GRAP2: variants seen among roughly 807,000 people sequenced by gnomAD.
GRAP2 encodes the protein GRB2-related adapter protein 2.
A neutral mutation model predicts 43.5 loss-of-function variants in GRAP2; 31 were observed. That is an observed-to-expected ratio of 0.71 (90% CI 0.54 to 0.96). GRAP2 has a LOEUF of 0.96. Among genes scored for constraint, GRAP2 ranks in the 40% least tolerant of loss-of-function variants. The pLI is 0.00. For missense variants in GRAP2, 371 were observed against 424.4 expected, an observed-to-expected ratio of 0.87 and a Z score of 1.11; for synonymous variants, 156 against 164.8, an observed-to-expected ratio of 0.95 and a Z score of 0.41.
chr22:39,937,879 T>C (rs1339517377), intron 1 of GRAP2, among the ~76,000 whole-genome samples: 2 of 152,048 alleles, frequency 1.3e-5, no homozygotes, highest in African/African-American at 4.8e-5. Context: ...GAATCAAATG[T>C]GCTTGAGTTT....
chr22:39,951,583 C>A (rs1235652584), intron 2 of GRAP2, among the ~76,000 whole-genome samples: 1 of 152,170 alleles, frequency 6.6e-6, no homozygotes, highest in Non-Finnish European at 1.5e-5. Context: ...AAAAAATCAT[C>A]TCTTAGGGAA....
At chr22:39,941,931 T>C (rs1407746098) in intron 1 of GRAP2, among the ~76,000 whole-genome samples, 1 of 152,066 alleles carries the variant, frequency 6.6e-6, no homozygotes, top group African/African-American at 2.4e-5. Context: ...CAAATGTTTA[T>C]TTGGCCCACA....
intron 4 of GRAP2, chr22:39,964,117 C>T (rs1474219190): frequency 1.3e-5 from 5 of 388,744 alleles, no homozygotes; most frequent in Non-Finnish European, 2.3e-5. Flanking sequence ...TCACTAGTGC[C>T]AGTTTATTTT....
At position 39,955,260 on chromosome 22, in the gene GRAP2, A is replaced by C. The variant is rs951248149; in HGVS notation, c.79-559A>C. ...GTAATCCCAGCTACTCAGGAGGCTG[A>C]GGCAGGGGGATCGCTTGAACCCAGG... On this transcript the variant is annotated intron_variant, in intron 2 of 7. Coordinates refer to ENST00000344138, the MANE Select transcript of GRAP2 (RefSeq NM_004810.4). Among the ~76,000 whole-genome samples the C allele has an allele frequency of 3.3e-5, 5 of 152,272 alleles. No individual in the cohort carries two copies. The East Asian group carries it at 9.7e-4, about 29-fold the overall frequency.
intron 4 of GRAP2, among the ~76,000 whole-genome samples, chr22:39,963,090 C>T (rs1368349260): frequency 6.6e-6 from 1 of 152,190 alleles, no homozygotes; most frequent in Non-Finnish European, 1.5e-5. Flanking sequence ...GTGACAATTA[C>T]CGTAATCCTT....
At chr22:39,927,480 A>G (rs190645741) in intron 1 of GRAP2, among the ~76,000 whole-genome samples, 22 of 152,334 alleles carry the variant, frequency 1.4e-4, no homozygotes, top group Admixed American at 3.3e-4. Flanking sequence ...TGTTGTCTGA[A>G]TGGAGAGCAA....
chr22:39,969,299 A>C lies in GRAP2; in HGVS notation c.691-112A>C, dbSNP rs145164913. The C allele has an allele frequency of 4.7e-4, 557 of 1,187,218 alleles. 6 individuals are homozygous for C. The East Asian group carries it at 0.013, about 27-fold the overall frequency. 73.5% of individuals were successfully genotyped at this position (1,187,218 alleles called of 1,614,324 possible). ...GGAGGGTTTATTGTCATTATCAGTA[A>C]GTATTCCTGGAATATACCGGCTCTG... On this transcript the variant is annotated intron_variant, in intron 6 of 7. Coordinates refer to ENST00000344138, the MANE Select transcript of GRAP2 (RefSeq NM_004810.4).
intron 1 of GRAP2, among the ~76,000 whole-genome samples, chr22:39,916,644 C>T (rs2066604821): frequency 6.6e-6 from 1 of 152,338 alleles, no homozygotes; most frequent in East Asian, 1.9e-4. Context: ...AGATTCCCAG[C>T]TTAGTTCCCC....
At chr22:39,926,835 G>T in intron 1 of GRAP2, 1 of 984,524 alleles carries the variant, frequency 1.0e-6, no homozygotes, top group African/African-American at 1.7e-5. Context: ...GGGGAGTATT[G>T]TCTGGCTGAC....
Position 39,919,321 on chromosome 22 carries a change from A to G in GRAP2, c.-15+17991A>G, listed in dbSNP as rs80090150. On this transcript the variant is annotated intron_variant, in intron 1 of 7. Transcript: ENST00000344138. ...CTAAGCTATCATTATTACAACAACC[A>G]AGAGAAGGTAAATACAGGTCAGAGA... Among the ~76,000 whole-genome samples, 6 of 152,154 alleles carry G rather than the reference A, an allele frequency of 3.9e-5. No homozygotes were observed. The East Asian group carries it at 5.8e-4, about 15-fold the overall frequency.
chr22:39,919,821 G>A (rs1030117034), intron 1 of GRAP2, among the ~76,000 whole-genome samples: 1 of 152,198 alleles, frequency 6.6e-6, no homozygotes, highest in African/African-American at 2.4e-5. Flanking sequence ...AAGGATGCAT[G>A]CATTCATGTA....
chr22:39,929,389 A>G (rs56281588), intron 1 of GRAP2, among the ~76,000 whole-genome samples: 58 of 152,270 alleles, frequency 3.8e-4, no homozygotes, highest in Non-Finnish European at 7.5e-4. Context: ...CTTTGTATAG[A>G]TTTTGTGAAT....
At chr22:39,899,920 A>T (rs975760780), upstream of GRAP2, among the ~76,000 whole-genome samples, 9 of 152,098 alleles carry the variant, frequency 5.9e-5, no homozygotes, top group Admixed American at 2.0e-4. Flanking sequence ...CGGGAGACGG[A>T]GGTTGCAGTG....
intron 1 of GRAP2, among the ~76,000 whole-genome samples, chr22:39,942,322 G>A (rs1197604862): frequency 6.6e-6 from 1 of 152,066 alleles, no homozygotes; most frequent in African/African-American, 2.4e-5. Context: ...TTTACCTGTC[G>A]AACAACAAGG....
chr22:39,935,795 C>A (rs1384980249), intron 1 of GRAP2, among the ~76,000 whole-genome samples: 2 of 152,124 alleles, frequency 1.3e-5, no homozygotes, highest in African/African-American at 4.8e-5. Context: ...TGTGGTCATG[C>A]CGTCCTCTGC....
intron 1 of GRAP2, among the ~76,000 whole-genome samples, chr22:39,904,359 G>A (rs2066510519): frequency 6.6e-6 from 1 of 152,196 alleles, no homozygotes; most frequent in African/African-American, 2.4e-5. Flanking sequence ...CTGCACTCCA[G>A]CCTGGTCGAC....
At chr22:39,969,324 G>T in intron 6 of GRAP2, 87 bp from the exon 7 acceptor site, 1 of 1,435,656 alleles carries the variant, frequency 7.0e-7, no homozygotes, top group Non-Finnish European at 9.8e-7. Context: ...TACCGGCTCT[G>T]TGGATGGCAT....
upstream of GRAP2, among the ~76,000 whole-genome samples, chr22:39,897,892 A>T (rs1204597153): frequency 6.6e-6 from 1 of 152,152 alleles, no homozygotes; most frequent in Non-Finnish European, 1.5e-5. Flanking sequence ...CACAACAGCC[A>T]GAGCTACCCT....
At position 39,901,338 on chromosome 22, in the gene GRAP2, A is replaced by G. The variant is rs1414297044; in HGVS notation, c.-15+8A>G. The G allele has an allele frequency of 6.9e-6, 7 of 1,012,166 alleles. No homozygotes were observed. Among genetic ancestry groups the G allele is most frequent in the East Asian group, 1.2e-4 (2 of 16,742 alleles). The allele number at this position is 1,012,166 out of a possible 1,614,324, so 62.7% of individuals were successfully genotyped here. On this transcript the variant is annotated splice_region_variant and intron_variant, in intron 1 of 7. Transcript: ENST00000344138. ...CCCCTTCTCTTCCAAAAGGTATGTC[A>G]TTATACAACATCTGTACATATACTC...
Sources: allele counts gnomAD v4.1 joint callset (sites outside exome capture counted in the v4.1 genomes callset), GRCh38; gene constraint gnomAD v4.1.1; transcripts MANE v1.5; gene names NCBI Gene and HGNC (gene_info 2026-07-23, HGNC 2026-07-21).